SETDB2: variants seen among roughly 807,000 people sequenced by gnomAD.
The protein encoded by SETDB2 is SET domain bifurcated histone lysine methyltransferase 2.
Under a neutral mutation model 82.5 loss-of-function variants are expected in SETDB2, and 56 were observed. That is an observed-to-expected ratio of 0.68 (90% CI 0.55 to 0.85). The LOEUF (loss-of-function observed/expected upper bound fraction) is 0.85, where lower values mean the gene tolerates loss of function less well. Ranked by LOEUF, SETDB2 falls within the 40% of genes least tolerant of loss-of-function variation. SETDB2 has a pLI of 0.00. For synonymous variants in SETDB2, 272 were observed against 284.9 expected (o/e 0.95, Z 0.46); for missense variants, 677 against 816.4 (o/e 0.83, Z 2.08).
intron 12 of SETDB2, chr13:49,489,285 G>A (rs1958654901): frequency 5.3e-6 from 1 of 188,722 alleles, no homozygotes; most frequent in East Asian, 1.3e-4. Context: ...GGAGATGGCG[G>A]CTAGTGGGCA....
intron 12 of SETDB2, among the ~76,000 whole-genome samples, chr13:49,489,657 T>C (rs1958665654): frequency 7.3e-6 from 1 of 137,328 alleles, no homozygotes; most frequent in African/African-American, 2.8e-5. Flanking sequence ...AGTGCAGTGG[T>C]GTGATCTCGG....
intron 5 of SETDB2, among the ~76,000 whole-genome samples, chr13:49,474,870 G>A (rs562694730): frequency 7.2e-5 from 11 of 152,296 alleles, no homozygotes; most frequent in African/African-American, 2.2e-4. Context: ...TTCTTTGGTC[G>A]TGCTAGCTAC....
At chr13:49,464,183 G>A in intron 4 of SETDB2, 2 of 690,684 alleles carry the variant, frequency 2.9e-6, no homozygotes, top group Non-Finnish European at 5.4e-6. Flanking sequence ...ATTTGTAACA[G>A]TGTCTGTCTG....
At chr13:49,471,768 TAA>T (rs899315506) in intron 5 of SETDB2, among the ~76,000 whole-genome samples, 2 of 151,702 alleles carry the variant, frequency 1.3e-5, no homozygotes, top group African/African-American at 4.8e-5. Flanking sequence ...AATAGGAACT[TAA>T]AAGTCAATAC....
rs767989262 is a variant in SETDB2, at chr13:49,467,886, G to A, written c.231G>A (p.Lys77=). 104 of 1,563,360 alleles carry A rather than the reference G, an allele frequency of 6.7e-5. No individual in the cohort carries two copies. The highest frequency in any genetic ancestry group is 6.9e-6 in the Non-Finnish European group (8 of 1,154,476). ...TAGATCCTATGCCTGTGACTCAGAA[G>A]GAACAGGAAAACAAATCCAATGCAT... ...SIKDPMPVTQ[K]EQENKSNAFP... Residue 77 remains lysine, a synonymous_variant, in exon 5 of 14, where the codon AAG becomes AAA. Transcript: ENST00000611815.
intron 11 of SETDB2, 60 bp downstream of exon 11, chr13:49,485,783 C>T (rs753644111): frequency 2.7e-5 from 35 of 1,278,604 alleles, no homozygotes; most frequent in East Asian, 1.6e-4. Context: ...GTCTCTTGCT[C>T]AATACCTGTA....
chr13:49,470,968 T>TTCTTTTC (rs544662981), intron 5 of SETDB2, among the ~76,000 whole-genome samples: 1 of 122,360 alleles, frequency 8.2e-6, no homozygotes, highest in African/African-American at 3.2e-5. Context: ...CTTTCTTTCT[T>TTCTTTTC]TTTTTTTTTT....
intron 4 of SETDB2, among the ~76,000 whole-genome samples, 183 bp from the exon 5 acceptor site, chr13:49,467,681 T>C (rs1436896294): frequency 6.6e-6 from 1 of 152,250 alleles, no homozygotes; most frequent in Admixed American, 6.5e-5. Flanking sequence ...TTTATCCTAG[T>C]TTATTCATAT....
rs962071990 is a variant in SETDB2 at position 49,444,467 on chromosome 13, C to T, written c.-732C>T. On this transcript the variant is annotated 5_prime_UTR_variant, in exon 1 of 14. Coordinates refer to ENST00000611815, the MANE Select transcript of SETDB2 (RefSeq NM_001160308.3). ...GCCAACGGAGCTGGCGGAGCTCACT[C>T]CTCAGGTCAGGCGGGCGGCGTAGAA... 37 of 173,002 alleles carry T rather than the reference C, an allele frequency of 2.1e-4. No homozygotes were observed. The highest frequency in any genetic ancestry group is 7.0e-4 in the African/African-American group (29 of 41,622). 10.7% of individuals were successfully genotyped at this position (173,002 alleles called of 1,614,324 possible).
At chr13:49,454,174 G>T (rs571711166) in intron 2 of SETDB2, among the ~76,000 whole-genome samples, 1 of 152,120 alleles carries the variant, frequency 6.6e-6, no homozygotes, top group East Asian at 1.9e-4. Context: ...TATAATCCCA[G>T]CACTTTGAAA....
At chr13:49,457,034 G>A (rs9568212) in intron 2 of SETDB2, among the ~76,000 whole-genome samples, 1 of 151,972 alleles carries the variant, frequency 6.6e-6, no homozygotes, top group Non-Finnish European at 1.5e-5. Context: ...TTCATTTATT[G>A]TAGAAGCAGA....
At chr13:49,481,591 A>G (rs544013036) in intron 8 of SETDB2, among the ~76,000 whole-genome samples, 2 of 152,340 alleles carry the variant, frequency 1.3e-5, no homozygotes, top group Admixed American at 6.5e-5. Flanking sequence ...AACTCACTCT[A>G]TTTTGGGGAC....
At chr13:49,445,601 T>C (rs187814748) in intron 1 of SETDB2, 1 of 152,188 alleles carries the variant, frequency 6.6e-6, no homozygotes, top group Non-Finnish European at 1.5e-5. Context: ...GTTTTCAAAT[T>C]TTCAGGTGTG....
rs150577541 is a variant in SETDB2 at position 49,460,115 on chromosome 13, A to G, written c.25A>G (p.Lys9Glu). 9 of 1,610,920 alleles carry G rather than the reference A, an allele frequency of 5.6e-6. No individual in the cohort carries two copies. In the African/African-American group the frequency reaches 6.7e-5, roughly 12 times the overall value. The part of the protein sequence containing the change: MGEKNGDA[K>E]TFWMELEDDG... The stretch of plus-strand genomic sequence containing the variant: ...ACTTATTTTTATTTTAGGCGATGCA[A>G]AAACTTTCTGGATGGAGCTAGAAGA... Residue 9 changes from lysine to glutamate, a missense_variant, in exon 3 of 14, where the codon AAA becomes GAA. By Grantham distance (56) the Lys-to-Glu change is moderately conservative. Transcript: ENST00000611815.
intron 5 of SETDB2, among the ~76,000 whole-genome samples, chr13:49,474,296 T>C (rs569327154): frequency 6.6e-6 from 1 of 152,214 alleles, no homozygotes; most frequent in South Asian, 2.1e-4. Context: ...TAAATTATAG[T>C]ATATCCTTTT....
At chr13:49,481,436 T>TA (rs71078851) in intron 8 of SETDB2, among the ~76,000 whole-genome samples, 9,602 of 145,800 alleles carry the variant, frequency 0.066, 411 homozygotes, top group South Asian at 0.1. Context: ...TTGTTAAAAG[T>TA]AAAAAAAAAA....
chr13:49,448,597 G>A (rs1280463030), intron 1 of SETDB2, among the ~76,000 whole-genome samples: 1 of 152,190 alleles, frequency 6.6e-6, no homozygotes, highest in South Asian at 2.1e-4. Context: ...AGTATGGGGT[G>A]GGGGGTTGAT....
intron 2 of SETDB2, among the ~76,000 whole-genome samples, chr13:49,453,302 T>TC (rs1433343327): frequency 6.7e-6 from 1 of 150,372 alleles, no homozygotes; most frequent in Non-Finnish European, 1.5e-5. Context: ...CTCTTTTTTT[T>TC]CTTTTTTTTT....
intron 5 of SETDB2, among the ~76,000 whole-genome samples, chr13:49,472,343 A>C (rs993272611): frequency 1.3e-5 from 2 of 152,170 alleles, no homozygotes; most frequent in Non-Finnish European, 1.5e-5. Flanking sequence ...CTAGATAATC[A>C]GTTGGCAGCC....
Sources: gnomAD v4.1 joint callset for allele counts (sites outside exome capture counted in the v4.1 genomes callset) on GRCh38, gnomAD v4.1.1 for gene constraint, MANE v1.5 for transcripts, NCBI Gene and HGNC (gene_info 2026-07-23, HGNC 2026-07-21) for gene names.